The following ZCCHC7 variants were observed in gnomAD, a reference collection of about 807,000 sequenced individuals.
ZCCHC7 encodes the protein zinc finger CCHC domain-containing protein 7.
ZCCHC7 carries 35 observed loss-of-function variants against 52.0 expected under a neutral mutation model. The observed-to-expected ratio is 0.67, with a 90% CI of 0.51 to 0.89. The LOEUF (loss-of-function observed/expected upper bound fraction) is 0.89. ZCCHC7 is among the 40% of genes least tolerant of loss of function. The pLI is 0.00. For missense variants in ZCCHC7, 574 were observed against 649.1 expected (o/e 0.88, Z 1.26); for synonymous variants, 217 against 221.5 (o/e 0.98, Z 0.18).
chr9:37,241,528 C>G (rs949050666), intron 2 of ZCCHC7, among the ~76,000 whole-genome samples: 1 of 151,730 alleles, frequency 6.6e-6, no homozygotes, highest in African/African-American at 2.4e-5. Flanking sequence ...CTGAGTAAAG[C>G]TTTGATTTTT....
chr9:37,212,125 T>C (rs1824274549), intron 2 of ZCCHC7, among the ~76,000 whole-genome samples: 1 of 149,544 alleles, frequency 6.7e-6, no homozygotes, highest in African/African-American at 2.5e-5. Flanking sequence ...TTTGATAATG[T>C]CTGGAGACAT....
At chr9:37,156,439 C>T (rs1020636274) in intron 2 of ZCCHC7, among the ~76,000 whole-genome samples, 16 of 152,130 alleles carry the variant, frequency 1.1e-4, no homozygotes, top group African/African-American at 3.9e-4. Context: ...TTCCCGTAAA[C>T]GCCACAGCAT....
intron 6 of ZCCHC7, among the ~76,000 whole-genome samples, chr9:37,333,049 T>C (rs2118293458): frequency 6.6e-6 from 1 of 151,796 alleles, no homozygotes; most frequent in Non-Finnish European, 1.5e-5. Flanking sequence ...TGATTCTCAG[T>C]ATTTTAATGC....
intron 2 of ZCCHC7, among the ~76,000 whole-genome samples, chr9:37,275,248 C>T (rs1288268500): frequency 6.6e-6 from 1 of 151,938 alleles, no homozygotes; most frequent in African/African-American, 2.4e-5. Flanking sequence ...ACTTTTGTGG[C>T]AGTACTTCCT....
intron 2 of ZCCHC7, among the ~76,000 whole-genome samples, chr9:37,149,120 G>C (rs551893572): frequency 6.6e-6 from 1 of 152,216 alleles, no homozygotes; most frequent in African/African-American, 2.4e-5. Context: ...GATTACTTCT[G>C]TGGTCCCAAT....
At chr9:37,121,895 G>A (rs986431524) in intron 1 of ZCCHC7, among the ~76,000 whole-genome samples, 3 of 152,124 alleles carry the variant, frequency 2.0e-5, no homozygotes, top group Non-Finnish European at 2.9e-5. Flanking sequence ...AATCAGATTT[G>A]ATTCAGAGTG....
At chr9:37,243,603 A>G (rs934672528) in intron 2 of ZCCHC7, among the ~76,000 whole-genome samples, 1 of 151,822 alleles carries the variant, frequency 6.6e-6, no homozygotes, top group African/African-American at 2.4e-5. Context: ...AACTGAGTTT[A>G]TATACACACA....
intron 2 of ZCCHC7, among the ~76,000 whole-genome samples, chr9:37,195,343 A>C (rs183673647): frequency 1.2e-4 from 19 of 152,360 alleles, no homozygotes. Context: ...TTAATTCAGC[A>C]AATAACTGTT....
rs545431567 is a variant in ZCCHC7, at chr9:37,200,371, G to T, written c.610+73429G>T. 5.3e-5 allele frequency among the ~76,000 whole-genome samples: 8 copies of T among 152,242 alleles called. No individual in the cohort carries two copies. The East Asian group carries it at 1.5e-3, about 29-fold the overall frequency. On this transcript the variant is annotated intron_variant, in intron 2 of 8. Coordinates refer to ENST00000336755, the MANE Select transcript of ZCCHC7 (RefSeq NM_032226.3). Reference sequence around the variant, plus strand: ...CATGTTTCCTGTTGCTTTAATTAGAGCTGACACCAAGTTTTCCCCTTCATT... The same window carrying T: ...CATGTTTCCTGTTGCTTTAATTAGATCTGACACCAAGTTTTCCCCTTCATT...
At chr9:37,168,355 T>A (rs1821542977) in intron 2 of ZCCHC7, among the ~76,000 whole-genome samples, 1 of 152,228 alleles carries the variant, frequency 6.6e-6, no homozygotes, top group Non-Finnish European at 1.5e-5. Flanking sequence ...GGAAGTCTGC[T>A]ACTCACTCTT....
intron 2 of ZCCHC7, among the ~76,000 whole-genome samples, chr9:37,130,650 G>A (rs558233737): frequency 2.0e-5 from 3 of 151,582 alleles, no homozygotes; most frequent in African/African-American, 4.8e-5. Flanking sequence ...CTGCCACCAC[G>A]CCTGGCTAAT....
At chr9:37,200,036 A>G (rs1306682905) in intron 2 of ZCCHC7, among the ~76,000 whole-genome samples, 1 of 151,884 alleles carries the variant, frequency 6.6e-6, no homozygotes, top group Non-Finnish European at 1.5e-5. Flanking sequence ...CTCTGCTCCC[A>G]TTTTTGCCTT....
intron 5 of ZCCHC7, among the ~76,000 whole-genome samples, chr9:37,322,664 C>T (rs1650319167): frequency 6.7e-6 from 1 of 149,060 alleles, no homozygotes; most frequent in Non-Finnish European, 1.5e-5. Flanking sequence ...ATTGCACATA[C>T]TAGATGCTTA....
intron 2 of ZCCHC7, among the ~76,000 whole-genome samples, chr9:37,214,359 C>T (rs964057340): frequency 1.3e-5 from 2 of 151,976 alleles, no homozygotes; most frequent in African/African-American, 4.8e-5. Flanking sequence ...AAGGGACATA[C>T]TGGATGTTTT....
At chr9:37,284,030 G>C (rs1199964590) in intron 2 of ZCCHC7, 1 of 151,928 alleles carries the variant, frequency 6.6e-6, no homozygotes, top group African/African-American at 2.4e-5. Flanking sequence ...GTACCTGAAC[G>C]AATCAGCAGT....
chr9:37,146,630 A>G (rs13300951), intron 2 of ZCCHC7, among the ~76,000 whole-genome samples: 50,316 of 151,742 alleles, frequency 0.33, 8,697 homozygotes, highest in Middle Eastern at 0.41. Flanking sequence ...TTTACTGTTT[A>G]TCAAAAAGGA....
intron 2 of ZCCHC7, among the ~76,000 whole-genome samples, chr9:37,184,204 C>T (rs996934060): frequency 1.3e-5 from 2 of 152,118 alleles, no homozygotes; most frequent in Non-Finnish European, 2.9e-5. Flanking sequence ...GTTTTTGTGT[C>T]ATACTTTGTT....
intron 2 of ZCCHC7, among the ~76,000 whole-genome samples, chr9:37,170,972 T>C (rs1393000332): frequency 2.0e-5 from 3 of 152,168 alleles, no homozygotes; most frequent in Non-Finnish European, 2.9e-5. Flanking sequence ...GGAGTTTTTT[T>C]CTCCTGTTCT....
intron 2 of ZCCHC7, among the ~76,000 whole-genome samples, chr9:37,163,304 C>G (rs1012099961): frequency 6.8e-6 from 1 of 148,040 alleles, no homozygotes; most frequent in African/African-American, 2.5e-5. Context: ...ACAAGAATTG[C>G]TTGAACCTAG....
Sources: allele counts gnomAD v4.1 joint callset (sites outside exome capture counted in the v4.1 genomes callset), GRCh38; gene constraint gnomAD v4.1.1; transcripts MANE v1.5; gene names NCBI Gene and HGNC (gene_info 2026-07-23, HGNC 2026-07-21).